Variants in PIK3C2G observed in about 807,000 individuals in gnomAD.
PIK3C2G encodes the protein phosphatidylinositol-4-phosphate 3-kinase catalytic subunit type 2 gamma.
Under a neutral mutation model 181.1 loss-of-function variants are expected in PIK3C2G, and 168 were observed. The observed-to-expected ratio is 0.93, with a 90% CI of 0.82 to 1.05. The LOEUF (loss-of-function observed/expected upper bound fraction) is 1.05. Among genes scored for constraint, PIK3C2G ranks in the 50% least tolerant of loss-of-function variants. PIK3C2G has a pLI of 0.00. For synonymous variants in PIK3C2G, 573 were observed against 592.2 expected (o/e 0.97, Z 0.47); for missense variants, 1,869 against 1,732.8 (o/e 1.08, Z -1.40).
intron 18 of PIK3C2G, among the ~76,000 whole-genome samples, chr12:18,439,435 T>A (rs1946618309): frequency 6.6e-6 from 1 of 152,020 alleles, no homozygotes. Flanking sequence ...TTTTAAAGCG[T>A]TATTTAATGT....
intron 9 of PIK3C2G, among the ~76,000 whole-genome samples, chr12:18,340,701 T>G (rs1939054479): frequency 6.6e-6 from 1 of 152,182 alleles, no homozygotes; most frequent in Non-Finnish European, 1.5e-5. Context: ...ATTCACTTTT[T>G]GGAGTTTTAA....
intron 18 of PIK3C2G, among the ~76,000 whole-genome samples, chr12:18,427,413 A>G (rs1211145574): frequency 2.7e-5 from 4 of 150,528 alleles, no homozygotes; most frequent in Non-Finnish European, 5.9e-5. Context: ...AGGCTGAGGC[A>G]GGAGAATTGC....
At chr12:18,659,464 T>C in the PIK3C2G span, among the ~76,000 whole-genome samples, 27 of 152,270 alleles carry the variant, frequency 1.8e-4, no homozygotes, top group South Asian at 6.2e-4. Flanking sequence ...TAAACAAGAA[T>C]ATTCTCTCTC....
At chr12:18,692,899 A>G in the PIK3C2G span, 2 of 1,601,568 alleles carry the variant, frequency 1.2e-6, no homozygotes, top group South Asian at 2.2e-5. Flanking sequence ...AAGAAAACAA[A>G]GGGACCAGAT....
At chr12:18,661,042 G>T in the PIK3C2G span, among the ~76,000 whole-genome samples, 1 of 152,080 alleles carries the variant, frequency 6.6e-6, no homozygotes, top group Non-Finnish European at 1.5e-5. Context: ...GAATTGAAGG[G>T]TATATATATG....
intron 31 of PIK3C2G, among the ~76,000 whole-genome samples, chr12:18,626,171 T>C (rs564503778): frequency 5.3e-5 from 8 of 151,834 alleles, no homozygotes; most frequent in Non-Finnish European, 1.0e-4. Context: ...TCAATATTTT[T>C]ATTTGTGTTT....
the PIK3C2G span, chr12:18,696,065 C>G: frequency 1.4e-6 from 1 of 727,362 alleles, no homozygotes; most frequent in Non-Finnish European, 2.3e-6. Context: ...TACAGAAAGC[C>G]CTTTTCACGA....
the PIK3C2G span, among the ~76,000 whole-genome samples, chr12:18,675,746 A>G: frequency 6.6e-6 from 1 of 152,124 alleles, no homozygotes; most frequent in Non-Finnish European, 1.5e-5. Flanking sequence ...GCTGGAGTCC[A>G]TTATTTTAAG....
chr12:18,294,676 T>G (rs1949857053), intron 5 of PIK3C2G, among the ~76,000 whole-genome samples: 1 of 152,008 alleles, frequency 6.6e-6, no homozygotes, highest in Non-Finnish European at 1.5e-5. Flanking sequence ...AGACCAGTCT[T>G]GAACAAATAA....
At chr12:18,376,223 A>T (rs982680619) in intron 13 of PIK3C2G, among the ~76,000 whole-genome samples, 1 of 152,216 alleles carries the variant, frequency 6.6e-6, no homozygotes, top group Admixed American at 6.5e-5. Context: ...ACAGGGGCAT[A>T]GCTGAGCAAG....
exon 1 of PIK3C2G, chr12:18,247,742 G>A (rs558128643): frequency 6.6e-6 from 1 of 152,268 alleles, no homozygotes; most frequent in East Asian, 1.9e-4. Flanking sequence ...AGGGAAGATG[G>A]AGCCGCCATC....
In PIK3C2G at chr12:18,648,085, G is replaced by T. The variant is rs1950248211; in HGVS notation, c.*57G>T. On this transcript the variant is annotated 3_prime_UTR_variant, in exon 33 of 33. Transcript: ENST00000538779. Reference sequence around the variant, plus strand: ...ACTACTTGTATTTTTTTCACTTCTGGGCCTCTGAATCACATAAGTAAGGCA... The same window carrying T: ...ACTACTTGTATTTTTTTCACTTCTGTGCCTCTGAATCACATAAGTAAGGCA... 5 of 1,088,074 alleles carry T rather than the reference G, an allele frequency of 4.6e-6. No homozygotes were observed. The East Asian group carries it at 1.1e-4, about 24-fold the overall frequency. The allele number at this position is 1,088,074 out of a possible 1,614,324, so 67.4% of individuals were successfully genotyped here.
the PIK3C2G span, chr12:18,699,814 C>T: frequency 3.2e-5 from 51 of 1,613,260 alleles, 1 homozygote; most frequent in Middle Eastern, 3.3e-4. Context: ...TGAAAGTTTT[C>T]GGGCTTGTGT....
At chr12:18,693,244 T>G in the PIK3C2G span, 1 of 1,551,236 alleles carries the variant, frequency 6.4e-7, no homozygotes, top group Non-Finnish European at 8.9e-7. Context: ...AACCACAAGG[T>G]GCATACCATG....
intron 1 of PIK3C2G, among the ~76,000 whole-genome samples, chr12:18,249,473 C>A (rs1343639345): frequency 6.6e-6 from 1 of 152,142 alleles, no homozygotes; most frequent in African/African-American, 2.4e-5. Context: ...TCATCCTACT[C>A]ATGGTCCTCC....
intron 24 of PIK3C2G, among the ~76,000 whole-genome samples, chr12:18,512,336 T>G (rs1050243590): frequency 6.6e-6 from 1 of 151,916 alleles, no homozygotes; most frequent in Admixed American, 6.6e-5. Flanking sequence ...TTTGTCCATT[T>G]GTGTGAAAAA....
At chr12:18,596,596 G>A (rs1947377737) in intron 30 of PIK3C2G, among the ~76,000 whole-genome samples, 2 of 152,116 alleles carry the variant, frequency 1.3e-5, no homozygotes, top group South Asian at 4.1e-4. Flanking sequence ...AGTAGAACAT[G>A]ATCAAACACA....
At chr12:18,657,487 CAT>C in the PIK3C2G span, among the ~76,000 whole-genome samples, 1 of 152,102 alleles carries the variant, frequency 6.6e-6, no homozygotes, top group South Asian at 2.1e-4. Flanking sequence ...TCAACATTCA[CAT>C]AGAGCCCATA....
At chr12:18,247,516 G>C (rs954147113), upstream of PIK3C2G, 1 of 152,196 alleles carries the variant, frequency 6.6e-6, no homozygotes, top group Non-Finnish European at 1.5e-5. Context: ...GTGACCCACT[G>C]GTGGCCAATG....
Sources: allele counts gnomAD v4.1 joint callset (sites outside exome capture counted in the v4.1 genomes callset), GRCh38; gene constraint gnomAD v4.1.1; transcripts MANE v1.5; gene names NCBI Gene and HGNC (gene_info 2026-07-23, HGNC 2026-07-21).